Variants in AUTS2 observed in about 807,000 individuals in gnomAD.
The protein encoded by AUTS2 is activator of transcription and developmental regulator AUTS2.
A neutral mutation model predicts 112.4 loss-of-function variants in AUTS2; 17 were observed. The observed-to-expected ratio is 0.15, with a 90% confidence interval of 0.10 to 0.23. The LOEUF (loss-of-function observed/expected upper bound fraction) is 0.23, where lower values mean the gene tolerates loss of function less well. Among genes scored for constraint, AUTS2 ranks in the 10% least tolerant of loss-of-function variants. The pLI is 1.00. For missense variants in AUTS2, 1,510 were observed against 1,701.6 expected (o/e 0.89, Z 1.98); for synonymous variants, 751 against 702.7 (o/e 1.07, Z -1.09).
intron 5 of AUTS2, among the ~76,000 whole-genome samples, chr7:70,524,255 A>T (rs1360389851): frequency 6.6e-6 from 1 of 152,230 alleles, no homozygotes; most frequent in Non-Finnish European, 1.5e-5. Context: ...CATTTTCCAG[A>T]GGCCTGGAAG....
chr7:70,028,684 A>G (rs12698838), intron 2 of AUTS2, among the ~76,000 whole-genome samples: 38,170 of 151,852 alleles, frequency 0.25, 4,768 homozygotes, highest in Middle Eastern at 0.34. Context: ...CATCTCTTCA[A>G]TATTTTTCTC....
intron 5 of AUTS2, among the ~76,000 whole-genome samples, chr7:70,507,818 A>T (rs1337339520): frequency 6.6e-6 from 1 of 152,144 alleles, no homozygotes; most frequent in Non-Finnish European, 1.5e-5. Context: ...AATAAAGAAA[A>T]AGTAACTAAG....
intron 1 of AUTS2, among the ~76,000 whole-genome samples, chr7:69,650,569 C>G (rs1795246111): frequency 6.6e-6 from 1 of 152,108 alleles, no homozygotes; most frequent in Admixed American, 6.5e-5. Flanking sequence ...CTCTCACTAC[C>G]AGGACCAGCT....
Position 69,827,760 on chromosome 7 carries a change from T to C in AUTS2, c.310-71526T>C, listed in dbSNP as rs148641891. On this transcript the variant is annotated intron_variant, in intron 1 of 18. Coordinates refer to ENST00000342771, the MANE Select transcript of AUTS2 (RefSeq NM_015570.4). Reference sequence around the variant, plus strand: ...GAGAAGGGTTGTTCTGTTCCTTATTTACTGTACTTGAACGGAGTCACTGAA... The same window carrying C: ...GAGAAGGGTTGTTCTGTTCCTTATTCACTGTACTTGAACGGAGTCACTGAA... Among the ~76,000 whole-genome samples, 1,036 of 152,352 alleles carry C rather than the reference T, an allele frequency of 6.8e-3. 17 individuals carry two copies. The highest frequency in any genetic ancestry group is 0.024 in the Middle Eastern group (7 of 294).
At chr7:70,776,284 G>A (rs1311339868) in intron 13 of AUTS2, among the ~76,000 whole-genome samples, 1 of 152,304 alleles carries the variant, frequency 6.6e-6, no homozygotes, top group Admixed American at 6.5e-5. Flanking sequence ...GAGCTTATGG[G>A]TAGATTACTT....
At chr7:70,063,338 G>T (rs1802342613) in intron 2 of AUTS2, among the ~76,000 whole-genome samples, 1 of 151,900 alleles carries the variant, frequency 6.6e-6, no homozygotes, top group Non-Finnish European at 1.5e-5. Context: ...ATTTAAATGG[G>T]ATTTGATATA....
intron 1 of AUTS2, among the ~76,000 whole-genome samples, chr7:69,644,954 A>T (rs1401209993): frequency 6.6e-6 from 1 of 151,992 alleles, no homozygotes; most frequent in East Asian, 1.9e-4. Flanking sequence ...CTGTGCCCAG[A>T]CTGGAGTGCA....
chr7:70,311,630 C>T (rs1257992626), intron 4 of AUTS2, among the ~76,000 whole-genome samples: 1 of 152,188 alleles, frequency 6.6e-6, no homozygotes, highest in Non-Finnish European at 1.5e-5. Flanking sequence ...AATCTTGGCT[C>T]ACTGCAACCT....
chr7:69,646,224 T>G (rs1435998862), intron 1 of AUTS2, among the ~76,000 whole-genome samples: 1 of 152,150 alleles, frequency 6.6e-6, no homozygotes, highest in Non-Finnish European at 1.5e-5. Flanking sequence ...ATTTGCACAT[T>G]TTTTTAAAAA....
chr7:70,640,971 A>G (rs2129540188), intron 5 of AUTS2, among the ~76,000 whole-genome samples: 1 of 151,670 alleles, frequency 6.6e-6, no homozygotes, highest in South Asian at 2.1e-4. Flanking sequence ...TGGCCACATC[A>G]TTTCTCACCT....
chr7:70,519,301 G>C (rs963114548), intron 5 of AUTS2, among the ~76,000 whole-genome samples: 6 of 152,188 alleles, frequency 3.9e-5, no homozygotes, highest in African/African-American at 1.4e-4. Context: ...ACTCCTGAAA[G>C]GATAGGATTA....
At chr7:69,720,473 A>G (rs542166335) in intron 1 of AUTS2, among the ~76,000 whole-genome samples, 3 of 152,322 alleles carry the variant, frequency 2.0e-5, no homozygotes, top group South Asian at 4.1e-4. Context: ...TCCTAAATTT[A>G]GGATGAAATA....
At chr7:70,103,815 C>T (rs1186122035) in intron 2 of AUTS2, among the ~76,000 whole-genome samples, 1 of 151,286 alleles carries the variant, frequency 6.6e-6, no homozygotes, top group African/African-American at 2.4e-5. Context: ...GAGGCTGAGG[C>T]AGGAGAATCG....
At chr7:69,638,685 G>A (rs939694942) in intron 1 of AUTS2, among the ~76,000 whole-genome samples, 6 of 152,038 alleles carry the variant, frequency 3.9e-5, no homozygotes, top group African/African-American at 1.4e-4. Flanking sequence ...ATTCACAGTG[G>A]AGGTTTTAAT....
chr7:70,258,589 C>A (rs1161627244), intron 4 of AUTS2, among the ~76,000 whole-genome samples: 1 of 152,136 alleles, frequency 6.6e-6, no homozygotes, highest in East Asian at 1.9e-4. Flanking sequence ...CACAGGGTTT[C>A]ATTTTTGGAA....
At chr7:70,687,790 G>A (rs1808544825) in intron 5 of AUTS2, among the ~76,000 whole-genome samples, 1 of 152,150 alleles carries the variant, frequency 6.6e-6, no homozygotes, top group Non-Finnish European at 1.5e-5. Flanking sequence ...GGGTTGGGGG[G>A]CACTGAGCAG....
At chr7:69,841,813 A>C (rs1305263777) in intron 1 of AUTS2, among the ~76,000 whole-genome samples, 1 of 152,216 alleles carries the variant, frequency 6.6e-6, no homozygotes, top group African/African-American at 2.4e-5. Context: ...TGGACTGGCT[A>C]TCAGATAACA....
At chr7:69,977,445 T>G (rs2129549032) in intron 2 of AUTS2, among the ~76,000 whole-genome samples, 1 of 152,300 alleles carries the variant, frequency 6.6e-6, no homozygotes, top group African/African-American at 2.4e-5. Context: ...CATATGAATT[T>G]TAGGATGCAT....
At chr7:69,637,000 C>T (rs1481306020) in intron 1 of AUTS2, among the ~76,000 whole-genome samples, 1 of 152,070 alleles carries the variant, frequency 6.6e-6, no homozygotes, top group Non-Finnish European at 1.5e-5. Context: ...CTCCTGACCT[C>T]GTGATCCACC....
Sources: gnomAD v4.1 joint callset for allele counts (sites outside exome capture counted in the v4.1 genomes callset) on GRCh38, gnomAD v4.1.1 for gene constraint, MANE v1.5 for transcripts, NCBI Gene and HGNC (gene_info 2026-07-23, HGNC 2026-07-21) for gene names.